Variants in USH2A observed in about 807,000 individuals in gnomAD.
USH2A encodes the protein Usher syndrome 2A (autosomal recessive, mild).
In USH2A, 443 loss-of-function variants were observed where a neutral mutation model predicts 538.9. The observed-to-expected ratio is 0.82, with a 90% CI of 0.76 to 0.89. USH2A has a LOEUF of 0.89. Ranked by LOEUF, USH2A falls within the 40% of genes least tolerant of loss-of-function variation. USH2A has a pLI of 0.00. For synonymous variants in USH2A, 2,413 were observed against 2,273.5 expected (o/e 1.06, Z -1.75); for missense variants, 6,633 against 6,324.8 (o/e 1.05, Z -1.65).
chr1:215,874,999 C>G (rs888671137), intron 43 of USH2A, among the ~76,000 whole-genome samples: 17 of 152,186 alleles, frequency 1.1e-4, no homozygotes, highest in African/African-American at 4.1e-4. Context: ...CAGCTTCATC[C>G]CCCTCTGCAA....
At chr1:216,207,555 G>GT (rs1236992633) in intron 15 of USH2A, 124 bp from the exon 16 acceptor site, 37 of 1,194,652 alleles carry the variant, frequency 3.1e-5, no homozygotes, top group Non-Finnish European at 4.4e-5. Flanking sequence ...AAGACATGTG[G>GT]TTTACCAAGA....
Position 215,772,362 on chromosome 1 carries a change from T to A in USH2A, c.10940-5574A>T, listed in dbSNP as rs548522501. On this transcript the variant is annotated intron_variant, in intron 55 of 71. Coordinates refer to ENST00000307340, the MANE Select transcript of USH2A (RefSeq NM_206933.4). ...TTAGAAGAGTAGGAAATAGCACTTG[T>A]AGAGTACAGAAAGGCAAACACATGG... 4.6e-5 allele frequency among the ~76,000 whole-genome samples: 7 copies of A among 152,258 alleles called. No individual in the cohort carries two copies. The South Asian group carries it at 1.2e-3, about 27-fold the overall frequency.
At chr1:216,301,648 G>T (rs988810051) in intron 9 of USH2A, among the ~76,000 whole-genome samples, 1 of 152,176 alleles carries the variant, frequency 6.6e-6, no homozygotes, top group Non-Finnish European at 1.5e-5. Flanking sequence ...TTAGAGATAT[G>T]GATGCAGCAC....
chr1:215,665,885 C>T (rs948007336), intron 64 of USH2A, among the ~76,000 whole-genome samples: 1 of 152,204 alleles, frequency 6.6e-6, no homozygotes, highest in Non-Finnish European at 1.5e-5. Context: ...ACAGATGCAT[C>T]GCATTTATGC....
intron 13 of USH2A, among the ~76,000 whole-genome samples, chr1:216,234,206 A>G (rs1425828065): frequency 6.6e-6 from 1 of 152,176 alleles, no homozygotes; most frequent in African/African-American, 2.4e-5. Context: ...TCTTATAGTT[A>G]CCAACAATTG....
chr1:216,333,806 G>A (rs2102668408), intron 4 of USH2A, among the ~76,000 whole-genome samples: 1 of 152,008 alleles, frequency 6.6e-6, no homozygotes, highest in Non-Finnish European at 1.5e-5. Flanking sequence ...GGAGAAGAAT[G>A]ACATATTTAA....
chr1:215,653,269 T>C (rs932275854), intron 64 of USH2A, among the ~76,000 whole-genome samples: 3 of 152,198 alleles, frequency 2.0e-5, no homozygotes, highest in African/African-American at 2.4e-5. Context: ...CTCAGTATTA[T>C]AGTGTTTTGC....
At chr1:216,299,647 A>T (rs2037176200) in intron 9 of USH2A, among the ~76,000 whole-genome samples, 1 of 152,160 alleles carries the variant, frequency 6.6e-6, no homozygotes, top group African/African-American at 2.4e-5. Flanking sequence ...ATTATACATC[A>T]TTTGCATGTA....
intron 58 of USH2A, among the ~76,000 whole-genome samples, chr1:215,745,522 C>T (rs1286127529): frequency 6.6e-6 from 1 of 152,142 alleles, no homozygotes; most frequent in East Asian, 1.9e-4. Context: ...TTGTTTTCTC[C>T]AATGTGGTTC....
chr1:215,974,782 C>G (rs1025728626), intron 35 of USH2A, among the ~76,000 whole-genome samples: 1 of 152,040 alleles, frequency 6.6e-6, no homozygotes, highest in Admixed American at 6.6e-5. Context: ...GCTCTTGTGA[C>G]TAGTACTGTG....
intron 21 of USH2A, among the ~76,000 whole-genome samples, chr1:216,150,890 C>G (rs2033818585): frequency 6.6e-6 from 1 of 152,138 alleles, no homozygotes; most frequent in East Asian, 1.9e-4. Flanking sequence ...ACACACATCA[C>G]TGAAACAATT....
Position 216,304,870 on chromosome 1 carries a change from G to T in USH2A, c.1645-12500C>A, listed in dbSNP as rs1013226864. ...CGATTTCCAATTTTATTTCACGGTG[G>T]TCTGAGAGAGTACTTGATATAATTT... On this transcript the variant is annotated intron_variant, in intron 9 of 71. Coordinates refer to ENST00000307340, the MANE Select transcript of USH2A (RefSeq NM_206933.4). 1.3e-5 allele frequency among the ~76,000 whole-genome samples: 2 copies of T among 151,528 alleles called. 1 individual carries two copies. The highest frequency in any genetic ancestry group is 4.2e-4 in the South Asian group (2 of 4,766).
In USH2A at chr1:215,874,366, C is replaced by T. The variant is rs147243643; in HGVS notation, c.8681+3392G>A. ...CAAAATTCGATAATGAGGCAACTAG[C>T]TGTGCAATTTAGACAAAAATTACTC... On this transcript the variant is annotated intron_variant, in intron 43 of 71. Transcript: ENST00000307340. Among the ~76,000 whole-genome samples, 594 of 152,282 alleles carry T rather than the reference C, an allele frequency of 3.9e-3. 4 individuals carry two copies. Among genetic ancestry groups the T allele is most frequent in the African/African-American group, 0.014 (562 of 41,564 alleles).
intron 61 of USH2A, among the ~76,000 whole-genome samples, chr1:215,696,519 T>C (rs1435153957): frequency 6.6e-6 from 1 of 152,226 alleles, no homozygotes; most frequent in Non-Finnish European, 1.5e-5. Context: ...TTGCCCAGCA[T>C]GGCTACCAAT....
intron 58 of USH2A, among the ~76,000 whole-genome samples, chr1:215,756,539 C>T (rs371120055): frequency 1.3e-5 from 2 of 152,174 alleles, no homozygotes; most frequent in East Asian, 3.9e-4. Context: ...TGTCAATAGG[C>T]TAAATATGGT....
At chr1:216,208,498 A>G (rs561510729) in intron 15 of USH2A, among the ~76,000 whole-genome samples, 2 of 152,186 alleles carry the variant, frequency 1.3e-5, no homozygotes, top group Non-Finnish European at 2.9e-5. Context: ...CAGTAAAAGA[A>G]AGCACACTCA....
Position 216,199,710 on chromosome 1 carries a change from G to T in USH2A, c.3728C>A (p.Pro1243His). Reference sequence around the variant, plus strand: ...CATCTTAGGTGGACTTAGTCTTTGGGGAGGGGCCTGGGCTGTGGTCACTGT... The same window carrying T: ...CATCTTAGGTGGACTTAGTCTTTGGTGAGGGGCCTGGGCTGTGGTCACTGT... ...PITVTTAQAP[P>H]QRLSPPKMQK... The change falls in exon 17 of 72, where the codon CCC becomes CAC. Residue 1243 changes from proline to histidine, a missense_variant. Pro to His is a moderately conservative substitution (Grantham distance 77). Coordinates refer to ENST00000307340, the MANE Select transcript of USH2A (RefSeq NM_206933.4). The T allele has an allele frequency of 6.2e-7, 1 of 1,614,060 alleles. No individual in the cohort carries two copies. Among genetic ancestry groups the T allele is most frequent in the Non-Finnish European group, 8.5e-7 (1 of 1,179,990 alleles).
intron 13 of USH2A, among the ~76,000 whole-genome samples, chr1:216,239,622 G>T (rs1002762749): frequency 6.6e-6 from 1 of 152,126 alleles, no homozygotes; most frequent in African/African-American, 2.4e-5. Context: ...ATTAGCTATG[G>T]TGAAAAGCAA....
intron 21 of USH2A, among the ~76,000 whole-genome samples, chr1:216,110,966 C>A (rs980829011): frequency 6.6e-6 from 1 of 152,198 alleles, no homozygotes; most frequent in Admixed American, 6.5e-5. Flanking sequence ...TGGCTCACGC[C>A]TGTAATCCCA....
Sources: gnomAD v4.1 joint callset for allele counts (sites outside exome capture counted in the v4.1 genomes callset) on GRCh38, gnomAD v4.1.1 for gene constraint, MANE v1.5 for transcripts, NCBI Gene and HGNC (gene_info 2026-07-23, HGNC 2026-07-21) for gene names.